RHBDD1: variants seen among roughly 807,000 people sequenced by gnomAD.
RHBDD1 encodes the protein rhomboid-related protein 4.
In RHBDD1, 38 loss-of-function variants were observed where a neutral mutation model predicts 36.3. The observed-to-expected ratio is 1.05, with a 90% CI of 0.81 to 1.37. RHBDD1 has a LOEUF of 1.37. RHBDD1 is among the 40% of genes most tolerant of loss of function. RHBDD1 has a pLI of 0.00. For missense variants in RHBDD1, 393 were observed against 377.6 expected (o/e 1.04, Z -0.34); for synonymous variants, 151 against 136.5 (o/e 1.11, Z -0.74).
At chr2:226,972,082 C>G (rs1014036572) in intron 8 of RHBDD1, among the ~76,000 whole-genome samples, 5 of 151,988 alleles carry the variant, frequency 3.3e-5, no homozygotes, top group Non-Finnish European at 5.9e-5. Context: ...TCCCCTTGCC[C>G]CCTAACTCCC....
chr2:226,873,850 G>A (rs1017516799), intron 5 of RHBDD1, among the ~76,000 whole-genome samples: 1 of 152,138 alleles, frequency 6.6e-6, no homozygotes, highest in African/African-American at 2.4e-5. Flanking sequence ...TGAGTTTAAG[G>A]TGTGGGTGGG....
At chr2:226,892,613 T>C (rs1256264163) in intron 5 of RHBDD1, among the ~76,000 whole-genome samples, 2 of 152,180 alleles carry the variant, frequency 1.3e-5, no homozygotes, top group Admixed American at 1.3e-4. Flanking sequence ...TGCAGTAGAA[T>C]AGAATAAGTA....
chr2:226,884,245 AG>A, intron 5 of RHBDD1, among the ~76,000 whole-genome samples: 2 of 152,050 alleles, frequency 1.3e-5, no homozygotes, highest in Admixed American at 1.3e-4. Flanking sequence ...AAGTCATGGG[AG>A]TTAAATAGGC....
chr2:226,865,700 A>G (rs1290752477), intron 4 of RHBDD1, among the ~76,000 whole-genome samples: 3 of 152,218 alleles, frequency 2.0e-5, no homozygotes, highest in Admixed American at 1.3e-4. Flanking sequence ...AACCCCAAAG[A>G]GGCAGCCAGG....
At chr2:226,980,826 T>C (rs1365237231) in intron 8 of RHBDD1, among the ~76,000 whole-genome samples, 1 of 152,192 alleles carries the variant, frequency 6.6e-6, no homozygotes, top group Non-Finnish European at 1.5e-5. Context: ...AGTTCTGGAG[T>C]TTTCTTTTTC....
At chr2:226,886,461 A>G (rs1946212720) in intron 5 of RHBDD1, among the ~76,000 whole-genome samples, 1 of 152,162 alleles carries the variant, frequency 6.6e-6, no homozygotes, top group South Asian at 2.1e-4. Flanking sequence ...GAAAAGGGAA[A>G]ACGGAGCATG....
intron 5 of RHBDD1, among the ~76,000 whole-genome samples, chr2:226,886,175 T>G (rs1365026223): frequency 6.6e-6 from 1 of 152,200 alleles, no homozygotes; most frequent in Non-Finnish European, 1.5e-5. Context: ...ATTTGTCTCT[T>G]CCAAGTTCCA....
At chr2:226,958,766 T>G (rs1245507512) in intron 8 of RHBDD1, among the ~76,000 whole-genome samples, 1 of 150,472 alleles carries the variant, frequency 6.6e-6, no homozygotes, top group Non-Finnish European at 1.5e-5. Context: ...TATTGAAATT[T>G]TAAAGACGCC....
At chr2:226,933,717 C>G (rs551460691) in intron 8 of RHBDD1, among the ~76,000 whole-genome samples, 59 of 152,120 alleles carry the variant, frequency 3.9e-4, no homozygotes, top group African/African-American at 1.4e-3. Flanking sequence ...TTAAAAAAAA[C>G]AAGTTAATTT....
the RHBDD1 span, among the ~76,000 whole-genome samples, chr2:226,811,728 A>G: frequency 1.6e-4 from 25 of 152,338 alleles, no homozygotes; most frequent in Non-Finnish European, 2.6e-4. Flanking sequence ...GTGCTTTCTA[A>G]ATTTCTCCAC....
At chr2:226,814,349 A>G in the RHBDD1 span, among the ~76,000 whole-genome samples, 6 of 152,158 alleles carry the variant, frequency 3.9e-5, no homozygotes, top group African/African-American at 1.4e-4. Context: ...CTTGGGATAT[A>G]GCAGGCATTT....
intron 3 of RHBDD1, among the ~76,000 whole-genome samples, chr2:226,860,096 G>A (rs1943706553): frequency 6.6e-6 from 1 of 152,200 alleles, no homozygotes; most frequent in Admixed American, 6.5e-5. Context: ...CAAAAGACAT[G>A]TCAAGGATCT....
At chr2:226,850,096 G>T (rs1457760052) in intron 3 of RHBDD1, among the ~76,000 whole-genome samples, 2 of 152,146 alleles carry the variant, frequency 1.3e-5, no homozygotes, top group Admixed American at 1.3e-4. Flanking sequence ...CATTTGTTAA[G>T]GACGTGCTAA....
intron 5 of RHBDD1, among the ~76,000 whole-genome samples, chr2:226,877,786 T>G (rs994350874): frequency 6.6e-6 from 1 of 152,200 alleles, no homozygotes; most frequent in Non-Finnish European, 1.5e-5. Flanking sequence ...TCTTGGTGTT[T>G]AATAAAATTA....
chr2:226,857,822 T>G (rs1485996272), intron 3 of RHBDD1, among the ~76,000 whole-genome samples: 3 of 152,114 alleles, frequency 2.0e-5, no homozygotes, highest in Non-Finnish European at 2.9e-5. Context: ...GGGGTCTCTC[T>G]TTGAAGTCAT....
intron 8 of RHBDD1, among the ~76,000 whole-genome samples, chr2:226,924,742 T>A (rs1949559101): frequency 6.6e-6 from 1 of 152,202 alleles, no homozygotes; most frequent in African/African-American, 2.4e-5. Flanking sequence ...AAATGCTCAC[T>A]CCCTGGGTGC....
intron 8 of RHBDD1, among the ~76,000 whole-genome samples, chr2:226,935,712 A>G (rs1575158449): frequency 2.6e-5 from 4 of 152,184 alleles, no homozygotes; most frequent in Admixed American, 6.6e-5. Flanking sequence ...TGAGGAGAAC[A>G]TAGCTAAAAA....
At chr2:226,854,165 T>C (rs147232345) in intron 3 of RHBDD1, among the ~76,000 whole-genome samples, 1 of 152,348 alleles carries the variant, frequency 6.6e-6, no homozygotes, top group African/African-American at 2.4e-5. Context: ...CTAATACTTA[T>C]ATGGTACTTA....
upstream of RHBDD1, among the ~76,000 whole-genome samples, chr2:226,831,514 G>A (rs1485116451): frequency 6.6e-6 from 1 of 152,194 alleles, no homozygotes; most frequent in Non-Finnish European, 1.5e-5. Flanking sequence ...CTGAAGTGCT[G>A]CAGTTGTAAA....
Sources: gnomAD v4.1 joint callset for allele counts (sites outside exome capture counted in the v4.1 genomes callset) on GRCh38, gnomAD v4.1.1 for gene constraint, MANE v1.5 for transcripts, NCBI Gene and HGNC (gene_info 2026-07-23, HGNC 2026-07-21) for gene names.